NALF1: variants seen among roughly 807,000 people sequenced by gnomAD.
The protein encoded by NALF1 is NALCN channel auxiliary factor 1, also known as family with sequence similarity 155 member A.
A neutral mutation model predicts 48.4 loss-of-function variants in NALF1; 3 were observed. The observed-to-expected ratio is 0.06, with a 90% CI of 0.03 to 0.16. The LOEUF is 0.16. Among genes scored for constraint, NALF1 ranks in the 10% least tolerant of loss-of-function variants. The pLI is 1.00. For missense variants in NALF1, 526 were observed against 571.5 expected, an observed-to-expected ratio of 0.92 and a Z score of 0.81; for synonymous variants, 262 against 245.7, an observed-to-expected ratio of 1.07 and a Z score of -0.62.
intron 1 of NALF1, among the ~76,000 whole-genome samples, chr13:107,778,117 G>A (rs545146369): frequency 6.6e-5 from 10 of 152,270 alleles, no homozygotes; most frequent in African/African-American, 2.2e-4. Flanking sequence ...ATGAAATAAC[G>A]TGTGAAAACA....
intron 1 of NALF1, among the ~76,000 whole-genome samples, chr13:107,857,610 G>C (rs953242500): frequency 6.6e-6 from 1 of 152,074 alleles, no homozygotes; most frequent in Non-Finnish European, 1.5e-5. Flanking sequence ...AATTAAAATA[G>C]AGAAAAAAAT....
chr13:107,299,724 A>G (rs1265206212), intron 1 of NALF1, among the ~76,000 whole-genome samples: 1 of 151,052 alleles, frequency 6.6e-6, no homozygotes, highest in Non-Finnish European at 1.5e-5. Flanking sequence ...TTATTCGATT[A>G]TGTATTTGAA....
rs562669266 is a variant in NALF1 at position 107,244,926 on chromosome 13, T to C, written c.916-34171A>G. On this transcript the variant is annotated intron_variant, in intron 1 of 2. Transcript: ENST00000375915. Reference sequence around the variant, plus strand: ...AGTGGAGATAAATATGTGTTTCCTATTATTTATTTAAGACCCAATGAACTC... The same window carrying C: ...AGTGGAGATAAATATGTGTTTCCTACTATTTATTTAAGACCCAATGAACTC... Among the ~76,000 whole-genome samples, 8 of 152,288 alleles carry C rather than the reference T, an allele frequency of 5.3e-5. No homozygotes were observed. In the South Asian group the frequency reaches 1.7e-3, roughly 32 times the overall value.
At chr13:107,407,745 T>C (rs1246199260) in intron 1 of NALF1, among the ~76,000 whole-genome samples, 2 of 152,118 alleles carry the variant, frequency 1.3e-5, no homozygotes, top group African/African-American at 4.8e-5. Flanking sequence ...ATCCCACTCC[T>C]AGGTATATAC....
rs1306457915 is a variant in NALF1 at position 107,163,748 on chromosome 13, CCTTCCTA to C, written c.*6742_*6748del. 4.0e-4 allele frequency: 61 copies of C among 152,208 alleles called. No homozygotes were observed. The highest frequency in any genetic ancestry group is 1.4e-3 in the African/African-American group (59 of 41,544). The allele number at this position is 152,208 out of a possible 1,614,324, so 9.4% of individuals were successfully genotyped here. On this transcript the variant is annotated 3_prime_UTR_variant, in exon 3 of 3. Coordinates refer to ENST00000375915, the MANE Select transcript of NALF1 (RefSeq NM_001080396.3). Reference sequence around the variant, plus strand: ...AAAATAATACATGAGTTTATACAGTCCTTCCTACTTTTAATATGCCACACAACATCAA... The same window carrying C: ...AAAATAATACATGAGTTTATACAGTCCTTTTAATATGCCACACAACATCAA...
At chr13:107,686,424 C>T (rs1881435316) in intron 1 of NALF1, among the ~76,000 whole-genome samples, 2 of 151,796 alleles carry the variant, frequency 1.3e-5, no homozygotes, top group African/African-American at 4.8e-5. Context: ...GAGACGGAGG[C>T]TCACTCTGTC....
chr13:107,174,332 G>T (rs1409991238), intron 2 of NALF1, among the ~76,000 whole-genome samples: 2 of 114,206 alleles, frequency 1.8e-5, no homozygotes, highest in Non-Finnish European at 3.9e-5. Flanking sequence ...TTAGAATGGA[G>T]AAACTTTTAT....
chr13:107,392,269 T>C (rs1440228428), intron 1 of NALF1, among the ~76,000 whole-genome samples: 2 of 152,026 alleles, frequency 1.3e-5, no homozygotes, highest in African/African-American at 2.4e-5. Context: ...TCCCTGAAGA[T>C]TCACCCTTGC....
At chr13:107,259,934 A>G (rs1487742292) in intron 1 of NALF1, among the ~76,000 whole-genome samples, 1 of 152,126 alleles carries the variant, frequency 6.6e-6, no homozygotes, top group Non-Finnish European at 1.5e-5. Flanking sequence ...TGTCTATTTC[A>G]CTCTCTGCTT....
intron 1 of NALF1, among the ~76,000 whole-genome samples, chr13:107,300,472 A>C (rs1322735321): frequency 6.6e-6 from 1 of 152,240 alleles, no homozygotes; most frequent in Middle Eastern, 3.2e-3. Context: ...GACAATTAGA[A>C]TGATTCATAT....
intron 1 of NALF1, among the ~76,000 whole-genome samples, chr13:107,245,478 T>A (rs56076446): frequency 6.6e-6 from 1 of 152,062 alleles, no homozygotes; most frequent in South Asian, 2.1e-4. Flanking sequence ...GTAATAACTC[T>A]GATTTCCAAG....
chr13:107,597,806 A>G (rs1479804169), intron 1 of NALF1, among the ~76,000 whole-genome samples: 1 of 152,202 alleles, frequency 6.6e-6, no homozygotes, highest in Non-Finnish European at 1.5e-5. Flanking sequence ...AATAAAATAA[A>G]AAGTACAATT....
chr13:107,592,291 T>C (rs971558959), intron 1 of NALF1, among the ~76,000 whole-genome samples: 20 of 151,938 alleles, frequency 1.3e-4, no homozygotes, highest in African/African-American at 4.8e-4. Flanking sequence ...ACTTCAAATA[T>C]TTAGAAAATC....
intron 1 of NALF1, among the ~76,000 whole-genome samples, chr13:107,709,912 AG>A (rs1237918284): frequency 2.0e-5 from 3 of 152,198 alleles, no homozygotes; most frequent in Admixed American, 1.3e-4. Flanking sequence ...TATTTCTAAA[AG>A]TTTTAGCCAA....
chr13:107,317,661 T>C (rs1594117758), intron 1 of NALF1, among the ~76,000 whole-genome samples: 2 of 152,140 alleles, frequency 1.3e-5, no homozygotes, highest in African/African-American at 2.4e-5. Flanking sequence ...TACTAGACTA[T>C]TATAAGAAAT....
chr13:107,271,489 C>T (rs370971981), intron 1 of NALF1, among the ~76,000 whole-genome samples: 2 of 152,016 alleles, frequency 1.3e-5, no homozygotes, highest in South Asian at 2.1e-4. Context: ...AATGGAATTG[C>T]TCCAATAGCC....
intron 1 of NALF1, among the ~76,000 whole-genome samples, chr13:107,442,242 T>C (rs1884572825): frequency 1.3e-5 from 2 of 152,166 alleles, no homozygotes; most frequent in African/African-American, 4.8e-5. Flanking sequence ...CCAGAGATCC[T>C]AGCAAGATTT....
chr13:107,185,854 G>A (rs1879160064), intron 2 of NALF1, among the ~76,000 whole-genome samples: 1 of 152,080 alleles, frequency 6.6e-6, no homozygotes. Flanking sequence ...ACACTTTGCT[G>A]AGCAGTCTCC....
rs1270794599 is a variant in NALF1 at position 107,530,438 on chromosome 13, CTGAA to C, written c.916-319687_916-319684del. Among the ~76,000 whole-genome samples the C allele has an allele frequency of 9.2e-5, 14 of 152,246 alleles. 1 individual carries two copies. The South Asian group carries it at 2.7e-3, about 29-fold the overall frequency. On this transcript the variant is annotated intron_variant, in intron 1 of 2. Coordinates refer to ENST00000375915, the MANE Select transcript of NALF1 (RefSeq NM_001080396.3). The stretch of plus-strand genomic sequence containing the variant: ...TAGTAAGTGCTCAGCAAATTACTTG[CTGAA>C]TGAATGAAGTATATCCATATAGACT...
Sources: allele counts gnomAD v4.1 joint callset (sites outside exome capture counted in the v4.1 genomes callset), GRCh38; gene constraint gnomAD v4.1.1; transcripts MANE v1.5; gene names NCBI Gene and HGNC (gene_info 2026-07-23, HGNC 2026-07-21).